The following RUNX1T1 variants were observed in gnomAD, a reference collection of about 807,000 sequenced individuals.
The protein encoded by RUNX1T1 is protein CBFA2T1.
Under a neutral mutation model 62.8 loss-of-function variants are expected in RUNX1T1, and 4 were observed. The observed-to-expected ratio is 0.06, with a 90% CI of 0.03 to 0.15. The LOEUF is 0.15. RUNX1T1 is among the 10% of genes least tolerant of loss of function. The probability of loss-of-function intolerance (pLI) is 1.00; values close to 1 mark genes in which losing one functional copy is unlikely to be tolerated. For synonymous variants in RUNX1T1, 291 were observed against 286.0 expected, an observed-to-expected ratio of 1.02 and a Z score of -0.18; for missense variants, 508 against 754.3, an observed-to-expected ratio of 0.67 and a Z score of 3.82.
chr8:92,083,154 A>T (rs1835543758), intron 1 of RUNX1T1, among the ~76,000 whole-genome samples: 1 of 152,246 alleles, frequency 6.6e-6, no homozygotes, highest in Non-Finnish European at 1.5e-5. Context: ...TACAGTGTGC[A>T]TCTATGAAGA....
At chr8:91,986,848 C>T (rs765321297) in intron 7 of RUNX1T1, 39 bp downstream of exon 8, 1 of 1,371,790 alleles carries the variant, frequency 7.3e-7, no homozygotes, top group Non-Finnish European at 1.0e-6. Flanking sequence ...AGTTGTTTTC[C>T]AAACATTTTT....
chr8:92,088,422 C>G (rs1836466045), intron 1 of RUNX1T1, among the ~76,000 whole-genome samples: 1 of 152,232 alleles, frequency 6.6e-6, no homozygotes, highest in African/African-American at 2.4e-5. Context: ...GTCTAATCAA[C>G]TTCCCAAGAC....
At chr8:92,082,904 G>C (rs1296089641) in intron 1 of RUNX1T1, among the ~76,000 whole-genome samples, 2 of 143,666 alleles carry the variant, frequency 1.4e-5, no homozygotes, top group African/African-American at 3.0e-5. Context: ...GGGAGAGAAG[G>C]AGGAGGGAGA....
chr8:92,022,745 T>C (rs944727344), intron 1 of RUNX1T1, among the ~76,000 whole-genome samples: 4 of 152,172 alleles, frequency 2.6e-5, no homozygotes, highest in Admixed American at 6.6e-5. Context: ...GGTACTGATA[T>C]AGCAGCACAA....
intron 8 of RUNX1T1, among the ~76,000 whole-genome samples, chr8:91,982,963 T>C (rs946442299): frequency 3.1e-4 from 43 of 137,696 alleles, no homozygotes; most frequent in Non-Finnish European, 5.8e-4. Context: ...AGTCTTGCCC[T>C]GTCGTCTAGG....
At chr8:92,014,929 T>C in intron 2 of RUNX1T1, 109 bp from the exon 4 acceptor site, 2 of 1,151,898 alleles carry the variant, frequency 1.7e-6, no homozygotes, top group Non-Finnish European at 2.4e-6. Context: ...TATAAGTTTT[T>C]AAATGTTGGG....
chr8:91,989,785 T>C (rs924885663), intron 6 of RUNX1T1, among the ~76,000 whole-genome samples: 1 of 152,202 alleles, frequency 6.6e-6, no homozygotes, highest in Non-Finnish European at 1.5e-5. Context: ...GGAGTTGTTA[T>C]CACATTTGAT....
At chr8:92,042,997 G>T (rs1353284682) in intron 1 of RUNX1T1, among the ~76,000 whole-genome samples, 1 of 152,048 alleles carries the variant, frequency 6.6e-6, no homozygotes, top group African/African-American at 2.4e-5. Flanking sequence ...TTTCTCCTGT[G>T]TCCCTAATTT....
intron 1 of RUNX1T1, among the ~76,000 whole-genome samples, chr8:92,089,349 A>G (rs1007340621): frequency 3.9e-5 from 6 of 152,220 alleles, no homozygotes; most frequent in Non-Finnish European, 8.8e-5. Context: ...AAGCAATAGC[A>G]AACTATTTCT....
intron 1 of RUNX1T1, among the ~76,000 whole-genome samples, chr8:92,054,836 TACA>T (rs548080789): frequency 1.1e-3 from 165 of 151,488 alleles, no homozygotes; most frequent in African/African-American, 3.7e-3. Context: ...TCTACTAAAA[TACA>T]ACAACAACAA....
intron 1 of RUNX1T1, among the ~76,000 whole-genome samples, chr8:92,060,883 T>G (rs907131361): frequency 6.6e-6 from 1 of 152,018 alleles, no homozygotes; most frequent in African/African-American, 2.4e-5. Context: ...TGTTAATATA[T>G]TCTATGTATC....
intron 10 of RUNX1T1, among the ~76,000 whole-genome samples, chr8:91,960,964 C>G (rs1265289380): frequency 6.6e-6 from 1 of 152,176 alleles, no homozygotes; most frequent in Admixed American, 6.5e-5. Flanking sequence ...ACTACCAGAA[C>G]CATATCTATA....
chr8:91,979,947 T>C (rs748143481), intron 8 of RUNX1T1: 2 of 488,860 alleles, frequency 4.1e-6, no homozygotes. Context: ...GTGGGCAGAA[T>C]GAGGCTGTGA....
At chr8:91,977,592 TACA>T (rs1814251363) in intron 8 of RUNX1T1, among the ~76,000 whole-genome samples, 1 of 152,140 alleles carries the variant, frequency 6.6e-6, no homozygotes, top group Non-Finnish European at 1.5e-5. Context: ...TGTGACACAG[TACA>T]ACACAGAGAT....
chr8:91,987,716 G>A (rs981883019), intron 6 of RUNX1T1, among the ~76,000 whole-genome samples: 5 of 152,032 alleles, frequency 3.3e-5, no homozygotes, highest in Non-Finnish European at 5.9e-5. Context: ...TTAATTAAGC[G>A]GTTAGCTAGG....
At chr8:92,095,189 T>C (rs976052969) in intron 1 of RUNX1T1, 2 of 1,535,146 alleles carry the variant, frequency 1.3e-6, no homozygotes, top group Non-Finnish European at 8.7e-7. Context: ...GAGCGACAGA[T>C]AACATGTTAC....
chr8:91,995,954 T>C (rs1193306713), intron 5 of RUNX1T1, among the ~76,000 whole-genome samples: 1 of 152,218 alleles, frequency 6.6e-6, no homozygotes, highest in Non-Finnish European at 1.5e-5. Flanking sequence ...AATTGCCATT[T>C]GTCTGTCTGC....
chr8:91,982,922 T>A (rs991002911), intron 8 of RUNX1T1, among the ~76,000 whole-genome samples: 1 of 126,048 alleles, frequency 7.9e-6, no homozygotes, highest in Non-Finnish European at 1.6e-5. Flanking sequence ...AAAATACTTT[T>A]TTTTTTTTTT....
chr8:92,059,252 T>TA (rs1831518544), intron 1 of RUNX1T1, among the ~76,000 whole-genome samples: 1 of 152,130 alleles, frequency 6.6e-6, no homozygotes, highest in South Asian at 2.1e-4. Flanking sequence ...CAAAGTAAAA[T>TA]AGAGTGTCAG....
Sources: allele counts gnomAD v4.1 joint callset (sites outside exome capture counted in the v4.1 genomes callset), GRCh38; gene constraint gnomAD v4.1.1; transcripts MANE v1.5; gene names NCBI Gene and HGNC (gene_info 2026-07-23, HGNC 2026-07-21).